Variants in GALNT13 observed in about 807,000 individuals in gnomAD.
GALNT13 encodes the protein UDP-GalNAc:polypeptide N-acetylgalactosaminyltransferase 13.
GALNT13 carries 28 observed loss-of-function variants against 64.2 expected under a neutral mutation model. The ratio of observed to expected loss-of-function variants is 0.44; its 90% CI spans 0.32 to 0.60. The LOEUF is 0.60. Ranked by LOEUF, GALNT13 falls within the 20% of genes least tolerant of loss-of-function variation. The pLI is 0.05. For synonymous variants in GALNT13, 214 were observed against 224.6 expected (o/e 0.95, Z 0.42); for missense variants, 577 against 669.8 (o/e 0.86, Z 1.53).
intron 3 of GALNT13, among the ~76,000 whole-genome samples, chr2:154,099,601 T>C (rs1702244030): frequency 6.6e-6 from 1 of 152,046 alleles, no homozygotes; most frequent in Non-Finnish European, 1.5e-5. Context: ...GTATGGTGAG[T>C]AACAGGGGTC....
the GALNT13 span, among the ~76,000 whole-genome samples, chr2:153,516,026 C>T: frequency 4.6e-5 from 7 of 152,018 alleles, no homozygotes; most frequent in African/African-American, 7.2e-5. Flanking sequence ...CAAGAAGAAC[C>T]GTAGGGGCAA....
intron 4 of GALNT13, among the ~76,000 whole-genome samples, chr2:154,233,687 G>A (rs540079962): frequency 6.6e-6 from 1 of 152,150 alleles, no homozygotes; most frequent in Admixed American, 6.6e-5. Context: ...TGCCTCTTGT[G>A]TATGATGTTT....
the GALNT13 span, among the ~76,000 whole-genome samples, chr2:153,092,062 G>A: frequency 2.5e-3 from 385 of 152,118 alleles, 1 homozygote; most frequent in African/African-American, 8.9e-3. Flanking sequence ...TCTGCATATG[G>A]GTATCTAGTT....
chr2:153,822,806 C>T, the GALNT13 span, among the ~76,000 whole-genome samples: 1 of 152,076 alleles, frequency 6.6e-6, no homozygotes, highest in Non-Finnish European at 1.5e-5. Flanking sequence ...ATAAAAGGCA[C>T]CCAAATAGGG....
At chr2:153,143,956 C>T in the GALNT13 span, among the ~76,000 whole-genome samples, 3 of 151,936 alleles carry the variant, frequency 2.0e-5, no homozygotes, top group Non-Finnish European at 4.4e-5. Flanking sequence ...GCATCCTCAC[C>T]CTAGGCATTC....
chr2:153,912,824 G>C (rs1272145930), intron 2 of GALNT13, among the ~76,000 whole-genome samples: 1 of 152,166 alleles, frequency 6.6e-6, no homozygotes, highest in Non-Finnish European at 1.5e-5. Context: ...CACAATACTT[G>C]TATGCATGGT....
At chr2:153,937,426 A>T (rs925029814) in intron 2 of GALNT13, among the ~76,000 whole-genome samples, 16 of 152,248 alleles carry the variant, frequency 1.1e-4, no homozygotes, top group Non-Finnish European at 2.1e-4. Flanking sequence ...AACATTCAAA[A>T]TAGGAAAATT....
At chr2:153,956,303 G>A (rs1692565397) in intron 3 of GALNT13, among the ~76,000 whole-genome samples, 1 of 152,164 alleles carries the variant, frequency 6.6e-6, no homozygotes, top group Admixed American at 6.5e-5. Flanking sequence ...AAAAGAAGTA[G>A]ATCACAGGAT....
chr2:153,978,792 T>G (rs972404424), intron 3 of GALNT13, among the ~76,000 whole-genome samples: 5 of 152,084 alleles, frequency 3.3e-5, no homozygotes, highest in Non-Finnish European at 7.4e-5. Context: ...TAAATTGAGC[T>G]GGGCATGGTG....
At chr2:153,070,532 C>T in the GALNT13 span, among the ~76,000 whole-genome samples, 2 of 152,174 alleles carry the variant, frequency 1.3e-5, no homozygotes, top group Admixed American at 6.6e-5. Flanking sequence ...ATGCAAGATG[C>T]TAATAATAGG....
intron 4 of GALNT13, among the ~76,000 whole-genome samples, chr2:154,151,656 G>C (rs2105623914): frequency 6.6e-6 from 1 of 152,300 alleles, no homozygotes; most frequent in Middle Eastern, 3.4e-3. Context: ...AGCTCTTCTT[G>C]TTGAATTGAA....
At chr2:153,092,102 CT>C in the GALNT13 span, among the ~76,000 whole-genome samples, 1 of 152,040 alleles carries the variant, frequency 6.6e-6, no homozygotes, top group Admixed American at 6.6e-5. Context: ...AAGAGACTGT[CT>C]TTTTTGCAGT....
At chr2:153,566,354 T>TTTTTTG in the GALNT13 span, among the ~76,000 whole-genome samples, 1 of 80,662 alleles carries the variant, frequency 1.2e-5, no homozygotes, top group South Asian at 5.0e-4. Context: ...TCACGTTTTT[T>TTTTTTG]TTTTTTTTTT....
chr2:153,165,827 C>T, the GALNT13 span, among the ~76,000 whole-genome samples: 9,772 of 152,072 alleles, frequency 0.064, 427 homozygotes, highest in Middle Eastern at 0.1. Flanking sequence ...CTGCTAAAAA[C>T]CAAGATAAAA....
chr2:154,432,304 G>A (rs1036263143), intron 11 of GALNT13, among the ~76,000 whole-genome samples: 3 of 152,156 alleles, frequency 2.0e-5, no homozygotes, highest in Admixed American at 6.5e-5. Context: ...TACAATAAAT[G>A]TGAAATGTAA....
At chr2:153,706,089 C>T in the GALNT13 span, among the ~76,000 whole-genome samples, 174 of 152,096 alleles carry the variant, frequency 1.1e-3, 1 homozygote, top group East Asian at 3.9e-3. Flanking sequence ...CCCTGCCTCC[C>T]GGGTTCAAGC....
At chr2:153,127,204 T>C in the GALNT13 span, among the ~76,000 whole-genome samples, 6 of 152,326 alleles carry the variant, frequency 3.9e-5, no homozygotes, top group Non-Finnish European at 8.8e-5. Context: ...AATAATCCTA[T>C]GAGTTTATTT....
intron 3 of GALNT13, among the ~76,000 whole-genome samples, chr2:154,091,908 A>C (rs190276660): frequency 7.9e-5 from 12 of 151,966 alleles, no homozygotes; most frequent in Non-Finnish European, 1.6e-4. Context: ...AACTAAATAG[A>C]TCATTTAAAT....
At chr2:153,306,374 G>C in the GALNT13 span, among the ~76,000 whole-genome samples, 1 of 152,084 alleles carries the variant, frequency 6.6e-6, no homozygotes, top group Non-Finnish European at 1.5e-5. Flanking sequence ...TACAATATTT[G>C]ATAAGCTTAT....
Sources: allele counts gnomAD v4.1 joint callset (sites outside exome capture counted in the v4.1 genomes callset), GRCh38; gene constraint gnomAD v4.1.1; transcripts MANE v1.5; gene names NCBI Gene and HGNC (gene_info 2026-07-23, HGNC 2026-07-21).